DIP2A: variants seen among roughly 807,000 people sequenced by gnomAD.
DIP2A encodes DIP2 acetate--CoA ligase A, also known as disco-interacting protein 2 homolog A.
In DIP2A, 85 loss-of-function variants were observed where a neutral mutation model predicts 177.4. That is an observed-to-expected ratio of 0.48 (90% CI 0.40 to 0.57). The LOEUF (loss-of-function observed/expected upper bound fraction) is 0.57, where lower values mean the gene tolerates loss of function less well. DIP2A is among the 20% of genes least tolerant of loss of function. DIP2A has a pLI of 0.00. For synonymous variants in DIP2A, 886 were observed against 881.8 expected, an observed-to-expected ratio of 1.00 and a Z score of -0.08; for missense variants, 1,791 against 2,100.2, an observed-to-expected ratio of 0.85 and a Z score of 2.88.
intron 13 of DIP2A, among the ~76,000 whole-genome samples, chr21:46,536,916 AAAG>A (rs1476485103): frequency 7.2e-5 from 11 of 152,104 alleles, no homozygotes; most frequent in African/African-American, 1.7e-4. Flanking sequence ...AAAAAAAAAA[AAAG>A]AAGAAAAGAC....
At chr21:46,578,172 C>T in the DIP2A span, among the ~76,000 whole-genome samples, 5 of 152,024 alleles carry the variant, frequency 3.3e-5, no homozygotes, top group Non-Finnish European at 5.9e-5. Context: ...ATTAGCCAGG[C>T]GTGGTGGTGT....
At chr21:46,548,181 C>CGTGTGTGTGTGT (rs151337762) in intron 21 of DIP2A, among the ~76,000 whole-genome samples, 3 of 147,586 alleles carry the variant, frequency 2.0e-5, no homozygotes, top group African/African-American at 7.5e-5. Context: ...TGCATGTGTG[C>CGTGTGTGTGTGT]GTGTGTGTGT....
chr21:46,578,710 T>C, the DIP2A span, among the ~76,000 whole-genome samples: 1 of 152,236 alleles, frequency 6.6e-6, no homozygotes, highest in Non-Finnish European at 1.5e-5. Flanking sequence ...TCTATTGATA[T>C]AATCATGTGG....
chr21:46,551,791 A>G lies in DIP2A; in HGVS notation c.2950-33A>G, dbSNP rs748503393. ...GGGTGGACGGGTGTCTGTGCCCCGG[A>G]GGCGCCAGTGAGCAAGTCGCCCTCT... On this transcript the variant is annotated intron_variant, in intron 24 of 37. Coordinates refer to ENST00000417564, the MANE Select transcript of DIP2A (RefSeq NM_015151.4). 4 of 1,613,130 alleles carry G rather than the reference A, an allele frequency of 2.5e-6. No homozygotes were observed. The South Asian group carries it at 4.4e-5, about 18-fold the overall frequency.
rs1277625246 is a variant in DIP2A, at chr21:46,537,086, A to G, written c.1643-138A>G. On this transcript the variant is annotated intron_variant, in intron 13 of 37. Transcript: ENST00000417564. The surrounding 1 kb of genome is among the most constrained non-coding windows in gnomAD (Gnocchi z 4.1). ...ATAACCAGGATTATTATTAATTGGT[A>G]TGTGGTATTTGGAAATGCTGTATCT... 3.8e-5 allele frequency: 30 copies of G among 794,506 alleles called. No individual in the cohort carries two copies. Among genetic ancestry groups the G allele is most frequent in the Non-Finnish European group, 6.5e-5 (29 of 448,430 alleles). 49.2% of individuals were successfully genotyped at this position (794,506 alleles called of 1,614,324 possible).
At chr21:46,496,043 G>C (rs1013301873) in intron 3 of DIP2A, among the ~76,000 whole-genome samples, 2 of 150,414 alleles carry the variant, frequency 1.3e-5, no homozygotes, top group African/African-American at 4.9e-5. Flanking sequence ...TTGCATTCTA[G>C]CCTGGCGACA....
chr21:46,504,309 A>C (rs1048499870), intron 5 of DIP2A, 52 bp from the exon 6 acceptor site: 4 of 1,605,654 alleles, frequency 2.5e-6, no homozygotes, highest in Non-Finnish European at 3.4e-6. Flanking sequence ...GCAGCTTAAT[A>C]CTCATTTGAC....
chr21:46,481,802 G>T (rs2056359622), intron 1 of DIP2A, among the ~76,000 whole-genome samples: 1 of 152,208 alleles, frequency 6.6e-6, no homozygotes. Context: ...TGTAATCCCA[G>T]CACTTTGGGA....
rs772037959 is a variant in DIP2A at position 46,550,615 on chromosome 21, C to T, written c.2710C>T (p.Pro904Ser). The part of the protein sequence containing the change: ...LVPANTLPKA[P>S]LGGIHISETK... Reference sequence around the variant, plus strand: ...TCCTGCCAACACCTTGCCCAAGGCTCCTCTCGGAGGGATTCACATTTCTGA... The same window carrying T: ...TCCTGCCAACACCTTGCCCAAGGCTTCTCTCGGAGGGATTCACATTTCTGA... The change falls in exon 23 of 38, where the codon CCT becomes TCT. Residue 904 changes from proline to serine, a missense_variant. By Grantham distance (74) the Pro-to-Ser change is moderately conservative. Transcript: ENST00000417564. 9 of 1,613,784 alleles carry T rather than the reference C, an allele frequency of 5.6e-6. No homozygotes were observed. Among genetic ancestry groups the T allele is most frequent in the Admixed American group, 3.3e-5 (2 of 59,984 alleles).
At position 46,527,630 on chromosome 21, in the gene DIP2A, ATT is replaced by A. The variant is rs112647008; in HGVS notation, c.1103-1453_1103-1452del. Among the ~76,000 whole-genome samples, 17 of 149,360 alleles carry A rather than the reference ATT, an allele frequency of 1.1e-4. 1 individual carries two copies. In the South Asian group the frequency reaches 3.6e-3, roughly 32 times the overall value. On this transcript the variant is annotated intron_variant, in intron 8 of 37. Transcript: ENST00000417564. ...CATGAGTCACCGTGCCCAGTCTAGT[ATT>A]TTTTTTTTCTCATTCATTTCTCAGG... is the stretch of plus-strand genomic sequence containing the variant.
At chr21:46,571,507 G>A (rs535130369), downstream of DIP2A, among the ~76,000 whole-genome samples, 2 of 152,160 alleles carry the variant, frequency 1.3e-5, no homozygotes, top group South Asian at 2.1e-4. Flanking sequence ...CCATTTTCAC[G>A]ATATTGGTTC....
At chr21:46,571,629 G>T (rs977545351), downstream of DIP2A, among the ~76,000 whole-genome samples, 1 of 152,114 alleles carries the variant, frequency 6.6e-6, no homozygotes, top group Non-Finnish European at 1.5e-5. Context: ...CTTGTAAGTT[G>T]TATTCCTAGG....
intron 22 of DIP2A, 39 bp downstream of exon 22, chr21:46,549,924 C>A: frequency 6.2e-7 from 1 of 1,604,836 alleles, no homozygotes; most frequent in East Asian, 2.2e-5. Flanking sequence ...GGTGAATCTC[C>A]CAAGCTGGCA....
intron 35 of DIP2A, among the ~76,000 whole-genome samples, chr21:46,564,966 G>A (rs2060788364): frequency 6.6e-6 from 1 of 152,192 alleles, no homozygotes; most frequent in African/African-American, 2.4e-5. Context: ...CCACCCTTGT[G>A]GCAGATGCTC....
At chr21:46,503,735 T>C (rs1163056942) in intron 5 of DIP2A, among the ~76,000 whole-genome samples, 1 of 151,730 alleles carries the variant, frequency 6.6e-6, no homozygotes, top group Non-Finnish European at 1.5e-5. Context: ...TTCTTTCTTT[T>C]TTCTTTTTGA....
Position 46,560,715 on chromosome 21 carries a change from CT to C in DIP2A, c.3970-5del. 6.2e-7 allele frequency: 1 copy of C among 1,605,780 alleles called. No homozygotes were observed. The stretch of plus-strand genomic sequence containing the variant: ...GAACAGAAGTTCCTCTGCTGCTCTC[CT>C]TCCAGGGCACAGCTGGCCCGGACCC... On this transcript the variant is annotated splice_region_variant and splice_polypyrimidine_tract_variant and intron_variant, in intron 32 of 37. Transcript: ENST00000417564.
intron 18 of DIP2A, 49 bp from the exon 19 acceptor site, chr21:46,545,088 T>C: frequency 2.6e-6 from 4 of 1,524,696 alleles, no homozygotes; most frequent in Non-Finnish European, 3.6e-6. Flanking sequence ...TTGTGAGTGA[T>C]CCATTTAAAC....
intron 1 of DIP2A, among the ~76,000 whole-genome samples, chr21:46,465,839 G>A (rs1324180179): frequency 6.6e-6 from 1 of 152,156 alleles, no homozygotes; most frequent in Non-Finnish European, 1.5e-5. Context: ...TGCCTGTTTT[G>A]AGAAACAGCA....
At position 46,459,237 on chromosome 21, in the gene DIP2A, G is replaced by C; in HGVS notation, c.91+15G>C. ...GCTGTCGGAAGGTGAGCCGGACCCC[G>C]CCCTCAACCCCCGCGACCCGCCCTC... On this transcript the variant is annotated intron_variant, in intron 1 of 37. Coordinates refer to ENST00000417564, the MANE Select transcript of DIP2A (RefSeq NM_015151.4). 6.6e-7 allele frequency: 1 copy of C among 1,516,020 alleles called. No individual in the cohort carries two copies. Among genetic ancestry groups the C allele is most frequent in the Non-Finnish European group, 8.8e-7 (1 of 1,132,594 alleles). The allele number at this position is 1,516,020 out of a possible 1,614,324, so 93.9% of individuals were successfully genotyped here. A position where few individuals can be genotyped will look rare whatever the true frequency, so the allele number is the denominator to read the frequency against.
Sources: gnomAD v4.1 joint callset for allele counts (sites outside exome capture counted in the v4.1 genomes callset) on GRCh38, gnomAD v4.1.1 for gene constraint, Gnocchi (gnomAD v3.1) non-coding constraint, MANE v1.5 for transcripts, NCBI Gene and HGNC (gene_info 2026-07-23, HGNC 2026-07-21) for gene names.